Variants in CRACDL observed in about 807,000 individuals in gnomAD.
CRACDL encodes CRACD-like protein.
A neutral mutation model predicts 70.6 loss-of-function variants in CRACDL; 26 were observed. The observed-to-expected ratio is 0.37, with a 90% CI of 0.27 to 0.51. The LOEUF (loss-of-function observed/expected upper bound fraction) is 0.51. Among genes scored for constraint, CRACDL ranks in the 20% least tolerant of loss-of-function variants. The pLI, the probability that CRACDL is intolerant of heterozygous loss-of-function variation, is 0.94. For missense variants in CRACDL, 1,283 were observed against 1,376.9 expected, an observed-to-expected ratio of 0.93 and a Z score of 1.08; for synonymous variants, 618 against 615.2, an observed-to-expected ratio of 1.00 and a Z score of -0.07.
At chr2:98,910,331 C>A (rs1450556971) in intron 1 of CRACDL, among the ~76,000 whole-genome samples, 1 of 151,980 alleles carries the variant, frequency 6.6e-6, no homozygotes, top group Non-Finnish European at 1.5e-5. Context: ...ACCAGCCTGA[C>A]CAACGTGGTG....
In CRACDL at chr2:98,797,390, G is replaced by C. The variant is rs781291895; in HGVS notation, c.2564C>G (p.Ser855Cys). 2.5e-6 allele frequency: 4 copies of C among 1,614,212 alleles called. No individual in the cohort carries two copies. Among genetic ancestry groups the C allele is most frequent in the Non-Finnish European group, 3.4e-6 (4 of 1,180,042 alleles). Residue 855 changes from serine to cysteine, a missense_variant, in exon 8 of 10, where the codon TCT becomes TGT. By Grantham distance (112) the Ser-to-Cys change is moderately radical (BLOSUM62 -1). Coordinates refer to ENST00000397899, the MANE Select transcript of CRACDL (RefSeq NM_207362.3). ...EDKPGARTLK[S>C]EPGKQAKVPE... is the part of the protein sequence containing the mutation. ...CACCTTGGCTTGCTTTCCTGGTTCA[G>C]ACTTCAGGGTCCGTGCCCCAGGCTT...
chr2:98,934,592 C>T (rs1346691983), intron 1 of CRACDL, among the ~76,000 whole-genome samples: 1 of 152,174 alleles, frequency 6.6e-6, no homozygotes, highest in Non-Finnish European at 1.5e-5. Context: ...TCCTATGCAG[C>T]AGCTGAGCTG....
chr2:98,823,407 C>T lies in CRACDL; in HGVS notation c.866G>A (p.Arg289Lys). ...CGCCGGTGGCCCAGGCTCAGGGCCT[C>T]TGTCTGGCGCCACGTCCTGCTGCCC... The part of the protein sequence containing the change: ...SSGQQDVAPD[R>K]GPEPGPPAPL... The change falls in exon 7 of 10, where the codon AGA (arginine) becomes AAA (lysine). Residue 289 changes from arginine to lysine, a missense_variant. Coordinates refer to ENST00000397899, the MANE Select transcript of CRACDL (RefSeq NM_207362.3). This position sits in a 1 kb window ranked among gnomAD's most constrained non-coding sequence, Gnocchi z 4.0. 1 of 1,561,236 alleles carries T rather than the reference C, an allele frequency of 6.4e-7. No individual in the cohort carries two copies. The highest frequency in any genetic ancestry group is 1.4e-5 in the African/African-American group (1 of 73,818).
rs563808668 is a variant in CRACDL, at chr2:98,894,705, C to G, written c.-11+41233G>C. On this transcript the variant is annotated intron_variant, in intron 1 of 9. Coordinates refer to ENST00000397899, the MANE Select transcript of CRACDL (RefSeq NM_207362.3). ...TGGATGGCATCTGGAGATCATGTCC[C>G]GTGGTTTAACACACTTATTTTCAAG... Among the ~76,000 whole-genome samples the G allele has an allele frequency of 4.6e-5, 7 of 152,318 alleles. No homozygotes were observed. The South Asian group carries it at 1.4e-3, about 32-fold the overall frequency.
intron 7 of CRACDL, among the ~76,000 whole-genome samples, chr2:98,814,436 C>T (rs1704701744): frequency 6.6e-6 from 1 of 152,124 alleles, no homozygotes; most frequent in Non-Finnish European, 1.5e-5. Context: ...TGTTTAATTT[C>T]AAATATTTGA....
At chr2:98,849,295 T>C (rs1706386059) in intron 1 of CRACDL, among the ~76,000 whole-genome samples, 1 of 152,124 alleles carries the variant, frequency 6.6e-6, no homozygotes, top group South Asian at 2.1e-4. Context: ...TGGGAAAGGA[T>C]TAACACTCTG....
chr2:98,846,613 G>T, intron 2 of CRACDL, 118 bp downstream of exon 2: 1 of 776,368 alleles, frequency 1.3e-6, no homozygotes. Context: ...TGAGCACACT[G>T]GGAACTAAAT....
chr2:98,865,667 T>C (rs1054541045), intron 1 of CRACDL, among the ~76,000 whole-genome samples: 1 of 152,160 alleles, frequency 6.6e-6, no homozygotes, highest in Non-Finnish European at 1.5e-5. Context: ...TTGTGCCAGC[T>C]TGCTGCTTAA....
At chr2:98,880,842 A>G (rs752397712) in intron 1 of CRACDL, among the ~76,000 whole-genome samples, 1 of 152,182 alleles carries the variant, frequency 6.6e-6, no homozygotes, top group Non-Finnish European at 1.5e-5. Context: ...GGTCATTTGG[A>G]CAAGTGTGAC....
At position 98,893,369 on chromosome 2, in the gene CRACDL, C is replaced by T. The variant is rs146233844; in HGVS notation, c.-11+42569G>A. Among the ~76,000 whole-genome samples, 75 of 152,188 alleles carry T rather than the reference C, an allele frequency of 4.9e-4. 1 individual carries two copies. The East Asian group carries it at 0.012, about 24-fold the overall frequency. On this transcript the variant is annotated intron_variant, in intron 1 of 9. Coordinates refer to ENST00000397899, the MANE Select transcript of CRACDL (RefSeq NM_207362.3). ...TGCGATCTCAGTTCACTACAAGCTC[C>T]GTCTCCTGGGTTCACGCCATTCTCC...
chr2:98,794,775 G>T, intron 9 of CRACDL, 104 bp from the exon 10 acceptor site: 1 of 880,218 alleles, frequency 1.1e-6, no homozygotes, highest in Non-Finnish European at 1.7e-6. Context: ...TCTTAACTGT[G>T]TTCTCGAACA....
intron 1 of CRACDL, among the ~76,000 whole-genome samples, chr2:98,865,265 C>T (rs1255496972): frequency 6.6e-6 from 1 of 152,136 alleles, no homozygotes; most frequent in Non-Finnish European, 1.5e-5. Flanking sequence ...CTTACTCCTA[C>T]TCATCCTTCA....
chr2:98,889,340 A>G (rs113340041), intron 1 of CRACDL, among the ~76,000 whole-genome samples: 293 of 128,130 alleles, frequency 2.3e-3, no homozygotes, highest in Admixed American at 3.4e-3. Flanking sequence ...AGAAAGAAAG[A>G]AAGGAAACAG....
chr2:98,870,899 C>G (rs571222532), intron 1 of CRACDL, among the ~76,000 whole-genome samples: 1 of 152,240 alleles, frequency 6.6e-6, no homozygotes, highest in Non-Finnish European at 1.5e-5. Context: ...GCCCAATGCC[C>G]GAACAAGACA....
chr2:98,797,240 G>C, intron 8 of CRACDL, 110 bp downstream of exon 8: 1 of 983,634 alleles, frequency 1.0e-6, no homozygotes, highest in Non-Finnish European at 1.5e-6. Flanking sequence ...CACAGGTGAC[G>C]GTCCCTGTGA....
At chr2:98,813,366 A>C (rs1414448089) in intron 7 of CRACDL, among the ~76,000 whole-genome samples, 1 of 152,182 alleles carries the variant, frequency 6.6e-6, no homozygotes, top group African/African-American at 2.4e-5. Context: ...TGGCAGATGG[A>C]GGTTGCAGTG....
At chr2:98,924,674 C>A (rs954359185) in intron 1 of CRACDL, among the ~76,000 whole-genome samples, 4 of 152,192 alleles carry the variant, frequency 2.6e-5, no homozygotes, top group Non-Finnish European at 5.9e-5. Context: ...AGGGGCCCCC[C>A]CAGGGCATGG....
intron 1 of CRACDL, among the ~76,000 whole-genome samples, chr2:98,930,578 C>T (rs1709049182): frequency 6.6e-6 from 1 of 150,730 alleles, no homozygotes; most frequent in Admixed American, 6.6e-5. Flanking sequence ...CTACCTATAT[C>T]ACCTACCCCA....
intron 1 of CRACDL, among the ~76,000 whole-genome samples, chr2:98,922,157 C>T (rs1005159833): frequency 2.0e-5 from 3 of 151,900 alleles, no homozygotes; most frequent in African/African-American, 7.3e-5. Flanking sequence ...TTAAAATAGC[C>T]GGGCACGGTG....
Sources: allele counts gnomAD v4.1 joint callset (sites outside exome capture counted in the v4.1 genomes callset), GRCh38; gene constraint gnomAD v4.1.1; non-coding constraint Gnocchi (gnomAD v3.1); transcripts MANE v1.5; gene names NCBI Gene and HGNC (gene_info 2026-07-23, HGNC 2026-07-21).